CCDC175: variants seen among roughly 807,000 people sequenced by gnomAD.
CCDC175 encodes coiled-coil domain-containing protein 175.
CCDC175 carries 100 observed loss-of-function variants against 114.6 expected under a neutral mutation model. That is an observed-to-expected ratio of 0.87 (90% CI 0.74 to 1.03). The LOEUF is 1.03. Among genes scored for constraint, CCDC175 ranks in the 50% least tolerant of loss-of-function variants. The pLI is 0.00. For missense variants in CCDC175, 880 were observed against 917.8 expected (o/e 0.96, Z 0.53); for synonymous variants, 306 against 308.7 (o/e 0.99, Z 0.09).
intron 8 of CCDC175, among the ~76,000 whole-genome samples, chr14:59,545,533 A>G (rs374850756): frequency 6.6e-6 from 1 of 152,358 alleles, no homozygotes; most frequent in African/African-American, 2.4e-5. Flanking sequence ...AAAACCATAG[A>G]GTAATAATCC....
At chr14:59,575,670 C>G (rs964366139) in intron 1 of CCDC175, among the ~76,000 whole-genome samples, 5 of 152,060 alleles carry the variant, frequency 3.3e-5, no homozygotes, top group Non-Finnish European at 5.9e-5. Flanking sequence ...TCACCACGCC[C>G]GGCTAATTTT....
chr14:59,572,768 TGCTTTCAATCTCCAAAAGATCGA>T lies in CCDC175; in HGVS notation c.266_288del (p.Ile89AsnfsTer16), dbSNP rs1056296702. 2.6e-6 allele frequency: 4 copies of T among 1,519,126 alleles called. No homozygotes were observed. Among genetic ancestry groups the T allele is most frequent in the Non-Finnish European group, 3.5e-6 (4 of 1,142,700 alleles). 94.1% of individuals were successfully genotyped at this position (1,519,126 alleles called of 1,614,324 possible). A position where few individuals can be genotyped will look rare whatever the true frequency, so the allele number is the denominator to read the frequency against. On this transcript the variant is annotated frameshift_variant, in exon 3 of 20. Coordinates refer to ENST00000537690, the MANE Select transcript of CCDC175 (RefSeq NM_001164399.2). LOFTEE classifies it high-confidence loss of function. ...AGATAGTATAGTTTGTTGAGTTCCA[TGCTTTCAATCTCCAAAAGATCGA>T]TTGTGGCTTTTCTCATTTCTTCCTG...
intron 19 of CCDC175, among the ~76,000 whole-genome samples, chr14:59,509,073 T>G (rs992698709): frequency 1.3e-5 from 2 of 152,082 alleles, no homozygotes; most frequent in African/African-American, 4.8e-5. Context: ...TCAAAATATA[T>G]GAAAAAGGAA....
chr14:59,548,481 T>C (rs999154485), intron 8 of CCDC175, among the ~76,000 whole-genome samples: 3 of 152,166 alleles, frequency 2.0e-5, no homozygotes, highest in African/African-American at 2.4e-5. Flanking sequence ...CTTATAACCA[T>C]GGAATTTGGC....
chr14:59,518,723 C>G (rs568243847), intron 17 of CCDC175, among the ~76,000 whole-genome samples: 48 of 152,232 alleles, frequency 3.2e-4, no homozygotes, highest in African/African-American at 1.1e-3. Context: ...GTTGGTGGGA[C>G]TGTAAACTAG....
intron 14 of CCDC175, among the ~76,000 whole-genome samples, chr14:59,531,466 G>A (rs2140006491): frequency 6.6e-6 from 1 of 152,274 alleles, no homozygotes; most frequent in East Asian, 1.9e-4. Flanking sequence ...CCACATGGTA[G>A]CAAACAAATG....
chr14:59,511,944 T>C (rs1892780380), intron 17 of CCDC175, 141 bp from the exon 18 acceptor site: 14 of 635,108 alleles, frequency 2.2e-5, no homozygotes, highest in Non-Finnish European at 3.5e-5. Flanking sequence ...ATAACTGAAT[T>C]GGACCTGCCC....
At chr14:59,552,446 T>A (rs562923521) in intron 7 of CCDC175, among the ~76,000 whole-genome samples, 1 of 152,228 alleles carries the variant, frequency 6.6e-6, no homozygotes, top group Non-Finnish European at 1.5e-5. Context: ...AGAAAGGACA[T>A]CCACACCAAA....
chr14:59,512,036 CTG>C (rs1892785961), intron 17 of CCDC175, among the ~76,000 whole-genome samples: 1 of 152,186 alleles, frequency 6.6e-6, no homozygotes, highest in Non-Finnish European at 1.5e-5. Context: ...CAGCCCAGGA[CTG>C]TGACACCTGG....
At chr14:59,532,614 G>A (rs1053942514) in intron 13 of CCDC175, among the ~76,000 whole-genome samples, 3 of 152,220 alleles carry the variant, frequency 2.0e-5, no homozygotes, top group Admixed American at 6.5e-5. Context: ...TGACCAAGGA[G>A]TTTGTGCATG....
chr14:59,510,506 A>T (rs950616972), intron 19 of CCDC175, 140 bp downstream of exon 19: 2 of 818,116 alleles, frequency 2.4e-6, no homozygotes, highest in South Asian at 2.9e-5. Context: ...ATAAGTATCA[A>T]TGTTCAATTG....
intron 3 of CCDC175, among the ~76,000 whole-genome samples, chr14:59,568,834 TG>T (rs1287175169): frequency 6.6e-6 from 1 of 152,192 alleles, no homozygotes; most frequent in African/African-American, 2.4e-5. Context: ...GAAGTAACAC[TG>T]GGTCTTGGGG....
At chr14:59,575,157 A>G (rs1897038667) in intron 1 of CCDC175, 129 bp from the exon 2 acceptor site, 1 of 541,432 alleles carries the variant, frequency 1.8e-6, no homozygotes, top group Admixed American at 3.3e-5. Context: ...TTTATTGTAC[A>G]TTACACTAAT....
intron 11 of CCDC175, among the ~76,000 whole-genome samples, chr14:59,539,064 C>T (rs761484107): frequency 5.3e-5 from 8 of 152,182 alleles, no homozygotes; most frequent in Non-Finnish European, 1.2e-4. Context: ...TCTACACTTC[C>T]AATAGAACAG....
chr14:59,511,653 T>C (rs200005895), intron 18 of CCDC175, 107 bp downstream of exon 18: 2 of 794,560 alleles, frequency 2.5e-6, no homozygotes, highest in South Asian at 3.2e-5. Context: ...CCCTGATGCG[T>C]GCATGCAGGT....
chr14:59,522,207 C>G (rs1365748776), intron 16 of CCDC175, among the ~76,000 whole-genome samples: 1 of 152,166 alleles, frequency 6.6e-6, no homozygotes, highest in Admixed American at 6.5e-5. Context: ...ACCCAATGCC[C>G]AGAAACTCTA....
intron 17 of CCDC175, among the ~76,000 whole-genome samples, chr14:59,516,276 A>G (rs1178925607): frequency 1.3e-5 from 2 of 152,218 alleles, no homozygotes; most frequent in African/African-American, 4.8e-5. Context: ...GCAAGAGCAA[A>G]CACATTCAAA....
At chr14:59,527,442 A>G (rs578084532) in intron 14 of CCDC175, among the ~76,000 whole-genome samples, 8 of 152,108 alleles carry the variant, frequency 5.3e-5, no homozygotes, top group Admixed American at 2.0e-4. Context: ...ATTTTCAGGC[A>G]TTTTCCATTT....
At chr14:59,522,411 T>C (rs1893474360) in intron 16 of CCDC175, among the ~76,000 whole-genome samples, 1 of 152,236 alleles carries the variant, frequency 6.6e-6, no homozygotes, top group Admixed American at 6.5e-5. Flanking sequence ...ATCTTTGATG[T>C]TGTGTCAGCC....
Sources: allele counts gnomAD v4.1 joint callset (sites outside exome capture counted in the v4.1 genomes callset), GRCh38; gene constraint gnomAD v4.1.1; transcripts MANE v1.5; gene names NCBI Gene and HGNC (gene_info 2026-07-23, HGNC 2026-07-21).